IFT25: variants seen among roughly 807,000 people sequenced by gnomAD.
IFT25 encodes the protein intraflagellar transport protein 25 homolog.
the IFT25 span, chr1:53,945,938 T>C: frequency 2.4e-5 from 3 of 124,488 alleles, no homozygotes; most frequent in Admixed American, 2.2e-4. Flanking sequence ...CCCGAGCTTT[T>C]CGCGCCACGC....
At chr1:53,921,572 C>T in the IFT25 span, 2 of 810,850 alleles carry the variant, frequency 2.5e-6, no homozygotes, top group Admixed American at 2.2e-5. Flanking sequence ...TGATAAAAAT[C>T]CTTTTAATAA....
the IFT25 span, among the ~76,000 whole-genome samples, chr1:53,933,283 C>A: frequency 6.6e-6 from 1 of 152,014 alleles, no homozygotes; most frequent in Non-Finnish European, 1.5e-5. Context: ...TACAGGCATG[C>A]GCCACCACGC....
chr1:53,932,714 G>A, the IFT25 span, among the ~76,000 whole-genome samples: 3 of 152,118 alleles, frequency 2.0e-5, no homozygotes, highest in South Asian at 2.1e-4. Context: ...ACAGGTACAC[G>A]CCACCATGAC....
the IFT25 span, among the ~76,000 whole-genome samples, chr1:53,931,206 A>C: frequency 1.3e-5 from 2 of 152,126 alleles, no homozygotes; most frequent in East Asian, 3.9e-4. Context: ...GGGTATTTTA[A>C]TTGCTTGCAG....
the IFT25 span, chr1:53,923,977 G>A: frequency 6.7e-4 from 994 of 1,480,602 alleles, 1 homozygote; most frequent in Non-Finnish European, 8.6e-4. Flanking sequence ...GAAGAAATGA[G>A]TTAAGGGTCA....
At chr1:53,937,907 TAAG>T in the IFT25 span, among the ~76,000 whole-genome samples, 1 of 152,158 alleles carries the variant, frequency 6.6e-6, no homozygotes, top group Non-Finnish European at 1.5e-5. Context: ...AGTAAACAAC[TAAG>T]AAGAAGAAAG....
chr1:53,928,507 T>C, the IFT25 span: 1 of 1,191,700 alleles, frequency 8.4e-7, no homozygotes, highest in Non-Finnish European at 1.2e-6. Context: ...ATATTTCTTT[T>C]TCCCTCTGCC....
the IFT25 span, chr1:53,930,024 G>A: frequency 6.8e-7 from 1 of 1,465,842 alleles, no homozygotes; most frequent in Non-Finnish European, 9.1e-7. Context: ...AAAAATTAAT[G>A]TAAGATTTGC....
chr1:53,921,121 C>T, the IFT25 span, among the ~76,000 whole-genome samples: 1 of 151,990 alleles, frequency 6.6e-6, no homozygotes, highest in Non-Finnish European at 1.5e-5. Context: ...TGCAGTGAGC[C>T]AAGATCGAGC....
chr1:53,933,629 C>A, the IFT25 span, among the ~76,000 whole-genome samples: 1 of 152,230 alleles, frequency 6.6e-6, no homozygotes, highest in South Asian at 2.1e-4. Context: ...AAGTGCATAT[C>A]TTTTAGACAA....
the IFT25 span, chr1:53,939,903 C>T: frequency 3.9e-6 from 3 of 776,168 alleles, no homozygotes; most frequent in South Asian, 3.0e-5. Flanking sequence ...TTTAATAGGG[C>T]AAGTTGTTAT....
At chr1:53,929,852 A>T in the IFT25 span, 1 of 969,682 alleles carries the variant, frequency 1.0e-6, no homozygotes, top group Non-Finnish European at 1.4e-6. Context: ...TTACCTCATA[A>T]TCCCCATCCT....
At chr1:53,931,417 T>C in the IFT25 span, among the ~76,000 whole-genome samples, 2 of 152,246 alleles carry the variant, frequency 1.3e-5, no homozygotes, top group Non-Finnish European at 2.9e-5. Flanking sequence ...CATGTCTTTG[T>C]CAGGCTTTGC....
chr1:53,943,490 G>A, the IFT25 span, among the ~76,000 whole-genome samples: 4 of 152,044 alleles, frequency 2.6e-5, no homozygotes, highest in African/African-American at 9.7e-5. Flanking sequence ...AGGGAACGCT[G>A]CTAAATATAC....
the IFT25 span, among the ~76,000 whole-genome samples, chr1:53,913,887 A>AT: frequency 1.3e-5 from 2 of 152,226 alleles, no homozygotes; most frequent in African/African-American, 2.4e-5. Context: ...ACGCAGGAAG[A>AT]AAGGGTTCAC....
the IFT25 span, among the ~76,000 whole-genome samples, chr1:53,919,160 A>G: frequency 6.6e-6 from 1 of 152,040 alleles, no homozygotes; most frequent in South Asian, 2.1e-4. Context: ...ATTTCCTTGT[A>G]TTCATGCCCT....
At chr1:53,925,343 C>T in the IFT25 span, among the ~76,000 whole-genome samples, 2 of 151,998 alleles carry the variant, frequency 1.3e-5, no homozygotes, top group Non-Finnish European at 2.9e-5. Flanking sequence ...TTTTCATTTG[C>T]TTAGTTTTTT....
At chr1:53,922,142 C>T in the IFT25 span, among the ~76,000 whole-genome samples, 1 of 152,126 alleles carries the variant, frequency 6.6e-6, no homozygotes, top group East Asian at 1.9e-4. Flanking sequence ...CACCTGTAAT[C>T]CCAGCACTTT....
At chr1:53,932,801 G>C in the IFT25 span, among the ~76,000 whole-genome samples, 1 of 152,094 alleles carries the variant, frequency 6.6e-6, no homozygotes, top group Non-Finnish European at 1.5e-5. Flanking sequence ...CCTGAGCTCG[G>C]GCAATCCGCC....
Sources: allele counts gnomAD v4.1 joint callset (sites outside exome capture counted in the v4.1 genomes callset), GRCh38; gene constraint gnomAD v4.1.1; transcripts MANE v1.5; gene names NCBI Gene and HGNC (gene_info 2026-07-23, HGNC 2026-07-21).